Variants in PRELID2 observed in about 807,000 individuals in gnomAD.
PRELID2 encodes PRELI domain-containing protein 2.
A neutral mutation model predicts 28.4 loss-of-function variants in PRELID2; 25 were observed. The observed-to-expected ratio is 0.88, with a 90% confidence interval of 0.64 to 1.23. The LOEUF is 1.23. Ranked by LOEUF, PRELID2 falls within the 50% of genes most tolerant of loss-of-function variation. The pLI is 0.00. For missense variants in PRELID2, 201 were observed against 214.4 expected, an observed-to-expected ratio of 0.94 and a Z score of 0.39; for synonymous variants, 76 against 71.6, an observed-to-expected ratio of 1.06 and a Z score of -0.31.
chr5:145,688,596 A>T lies in PRELID2; in HGVS notation n.70+76335T>A, dbSNP rs1755083171. 2.6e-5 allele frequency among the ~76,000 whole-genome samples: 4 copies of T among 152,322 alleles called. No homozygotes were observed. The South Asian group carries it at 6.2e-4, about 24-fold the overall frequency. On this transcript the variant is annotated intron_variant and non_coding_transcript_variant, in intron 1 of 2. Coordinates refer to the PRELID2 transcript ENST00000510259. ...GGTTTGGGACATGACATCTCTGCTG[A>T]TGCATAAATAATACCTAGAGTTACC...
At chr5:145,827,868 G>A (rs578183318) in intron 1 of PRELID2, among the ~76,000 whole-genome samples, 154 of 152,258 alleles carry the variant, frequency 1.0e-3, no homozygotes, top group Admixed American at 4.2e-3. Context: ...CTGGAAAAAC[G>A]ATACTAGTGG....
At chr5:145,465,041 T>C in the PRELID2 span, among the ~76,000 whole-genome samples, 21 of 152,276 alleles carry the variant, frequency 1.4e-4, no homozygotes, top group African/African-American at 4.6e-4. Flanking sequence ...ATTGTAATAA[T>C]AGTATATATA....
At chr5:145,584,937 A>G (rs1316339048) in intron 1 of PRELID2, among the ~76,000 whole-genome samples, 1 of 152,202 alleles carries the variant, frequency 6.6e-6, no homozygotes, top group Non-Finnish European at 1.5e-5. Flanking sequence ...ATTACTGGAT[A>G]TATACCCAAA....
chr5:145,310,045 C>T, the PRELID2 span, among the ~76,000 whole-genome samples: 3 of 152,194 alleles, frequency 2.0e-5, no homozygotes, highest in Admixed American at 1.3e-4. Flanking sequence ...ATTACTTATG[C>T]AGCCTTGGAC....
intron 1 of PRELID2, among the ~76,000 whole-genome samples, chr5:145,537,381 A>G (rs1028740142): frequency 2.6e-5 from 4 of 151,810 alleles, no homozygotes; most frequent in African/African-American, 9.7e-5. Flanking sequence ...TATTTTTGAT[A>G]TTTTCGGGAA....
chr5:145,617,887 C>T (rs748408205), intron 1 of PRELID2, among the ~76,000 whole-genome samples: 4 of 152,096 alleles, frequency 2.6e-5, no homozygotes, highest in Non-Finnish European at 4.4e-5. Context: ...GCATGCACCA[C>T]CACGCCCAGC....
chr5:145,245,268 T>G, the PRELID2 span, among the ~76,000 whole-genome samples: 220 of 152,120 alleles, frequency 1.4e-3, 2 homozygotes, highest in Admixed American at 4.8e-3. Context: ...TTGCAAATCC[T>G]CAGAGACCAA....
intron 1 of PRELID2, among the ~76,000 whole-genome samples, chr5:145,669,019 G>A (rs1754651647): frequency 6.6e-6 from 1 of 152,058 alleles, no homozygotes; most frequent in Admixed American, 6.6e-5. Context: ...TTATGAGACA[G>A]AAACTTTCCT....
intron 4 of PRELID2, among the ~76,000 whole-genome samples, chr5:145,817,198 A>AAAATATATATATATATAT (rs1365517052): frequency 2.0e-4 from 14 of 70,054 alleles, no homozygotes; most frequent in East Asian, 3.5e-4. Flanking sequence ...TTCAAAAAAA[A>AAAATATATATATATATAT]ATAAATAAAT....
chr5:145,416,820 T>C, the PRELID2 span, among the ~76,000 whole-genome samples: 1 of 151,700 alleles, frequency 6.6e-6, no homozygotes, highest in South Asian at 2.1e-4. Context: ...GACAAAGATA[T>C]GAAAAATCCT....
the PRELID2 span, among the ~76,000 whole-genome samples, chr5:145,360,804 T>C: frequency 6.6e-6 from 1 of 152,194 alleles, no homozygotes; most frequent in South Asian, 2.1e-4. Context: ...TCATAATTTC[T>C]CTTTATGATA....
intron 1 of PRELID2, among the ~76,000 whole-genome samples, chr5:145,711,224 G>T (rs930334505): frequency 6.6e-6 from 1 of 152,158 alleles, no homozygotes; most frequent in Non-Finnish European, 1.5e-5. Context: ...GAAAGTAGGA[G>T]GTCATAGAAG....
At chr5:145,819,047 G>A (rs923343368) in intron 3 of PRELID2, among the ~76,000 whole-genome samples, 1 of 152,132 alleles carries the variant, frequency 6.6e-6, no homozygotes, top group Non-Finnish European at 1.5e-5. Flanking sequence ...CCCTGCACAC[G>A]CTCTCTTGCC....
intron 5 of PRELID2, among the ~76,000 whole-genome samples, chr5:145,790,721 G>GTGTGTGTATATA (rs772901344): frequency 7.8e-4 from 86 of 110,906 alleles, no homozygotes; most frequent in East Asian, 3.8e-3. Context: ...GTGTGTGTGT[G>GTGTGTGTATATA]TATATATATA....
intron 1 of PRELID2, among the ~76,000 whole-genome samples, chr5:145,525,409 G>A (rs760141032): frequency 1.1e-4 from 16 of 152,064 alleles, no homozygotes; most frequent in African/African-American, 2.4e-4. Flanking sequence ...TAATGATATC[G>A]CCTTTTTAAA....
At chr5:145,531,944 G>A (rs1447903628) in intron 1 of PRELID2, among the ~76,000 whole-genome samples, 1 of 152,122 alleles carries the variant, frequency 6.6e-6, no homozygotes, top group Non-Finnish European at 1.5e-5. Context: ...TCTTTAAGTT[G>A]GTTTGCTCCT....
intron 5 of PRELID2, among the ~76,000 whole-genome samples, chr5:145,777,138 A>G (rs1758460195): frequency 6.6e-6 from 1 of 152,196 alleles, no homozygotes; most frequent in African/African-American, 2.4e-5. Flanking sequence ...GTTCTCTAGA[A>G]AATAGTTTGT....
rs938198015 is a variant in PRELID2 at position 145,812,403 on chromosome 5, A to G, written c.368+5491T>C. Among the ~76,000 whole-genome samples, 4 of 152,352 alleles carry G rather than the reference A, an allele frequency of 2.6e-5. No homozygotes were observed. The South Asian group carries it at 8.3e-4, about 32-fold the overall frequency. On this transcript the variant is annotated intron_variant, in intron 4 of 6. Coordinates refer to ENST00000683046, the MANE Select transcript of PRELID2 (RefSeq NM_205846.3). Reference sequence around the variant, plus strand: ...TGTCACTGCCAACCGCTCAGATTCTAAAGCTAATCAGCCCATGTTTGAATC... The same window carrying G: ...TGTCACTGCCAACCGCTCAGATTCTGAAGCTAATCAGCCCATGTTTGAATC...
chr5:145,247,737 C>T, the PRELID2 span, among the ~76,000 whole-genome samples: 1 of 152,170 alleles, frequency 6.6e-6, no homozygotes, highest in South Asian at 2.1e-4. Flanking sequence ...AAAGCTGTCC[C>T]CCAAACAGGA....
Sources: gnomAD v4.1 joint callset for allele counts (sites outside exome capture counted in the v4.1 genomes callset) on GRCh38, gnomAD v4.1.1 for gene constraint, MANE v1.5 for transcripts, NCBI Gene and HGNC (gene_info 2026-07-23, HGNC 2026-07-21) for gene names.